Variants in IL22RA1 observed in about 807,000 individuals in gnomAD.
IL22RA1 encodes the protein interleukin 22 receptor subunit alpha 1, also known as interleukin-22 receptor subunit alpha-1.
A neutral mutation model predicts 32.8 loss-of-function variants in IL22RA1; 25 were observed. That is an observed-to-expected ratio of 0.76 (90% confidence interval 0.55 to 1.06). IL22RA1 has a LOEUF of 1.06. IL22RA1 is among the 50% of genes least tolerant of loss of function. The pLI, the probability that IL22RA1 is intolerant of heterozygous loss-of-function variation, is 0.00. For synonymous variants in IL22RA1, 305 were observed against 305.0 expected, an observed-to-expected ratio of 1.00 and a Z score of 0.00; for missense variants, 709 against 727.4, an observed-to-expected ratio of 0.97 and a Z score of 0.29.
chr1:24,132,739 G>A (rs1250407300), intron 4 of IL22RA1, among the ~76,000 whole-genome samples: 1 of 151,864 alleles, frequency 6.6e-6, no homozygotes, highest in African/African-American at 2.4e-5. Context: ...GGTGGCTCAT[G>A]CCTGTCAACC....
At chr1:24,131,485 T>C (rs570626678) in intron 4 of IL22RA1, among the ~76,000 whole-genome samples, 2 of 152,286 alleles carry the variant, frequency 1.3e-5, no homozygotes, top group African/African-American at 4.8e-5. Flanking sequence ...ATCGATAAAG[T>C]AGACTTCAAT....
In IL22RA1 at chr1:24,141,807, C is replaced by T. The variant is rs16829213; in HGVS notation, c.43+1233G>A. ...TGTTGTGTGGAGCCTGGCAGCCTGG[C>T]GGATTTATAAAAGGCAACTTGTTTT... is the stretch of plus-strand genomic sequence containing the variant. On this transcript the variant is annotated intron_variant, in intron 1 of 6. Transcript: ENST00000270800. 2.3e-3 allele frequency among the ~76,000 whole-genome samples: 347 copies of T among 152,162 alleles called. 1 individual carries two copies. Among genetic ancestry groups the T allele is most frequent in the African/African-American group, 7.8e-3 (323 of 41,510 alleles).
At position 24,123,389 on chromosome 1, in the gene IL22RA1, G is replaced by A. The variant is rs373496630; in HGVS notation, c.705C>T (p.Phe235=). Residue 235 remains phenylalanine (F), a synonymous_variant, in exon 6 of 7, where the codon TTC becomes TTT. Transcript: ENST00000270800. ...RTWTYSFSGA[F]LFSMGFLVAV... ...CGACGAGGAAGCCCATGGAGAACAG[G>A]AAGGCTCCGGAGAAGGAGTAGGTCC... The A allele has an allele frequency of 5.0e-5, 80 of 1,613,902 alleles. No homozygotes were observed. The highest frequency in any genetic ancestry group is 6.5e-5 in the Non-Finnish European group (77 of 1,179,982).
Position 24,121,177 on chromosome 1 carries a change from G to T in IL22RA1, c.1353C>A (p.Thr451=), listed in dbSNP as rs755408667. 2 of 1,614,102 alleles carry T rather than the reference G, an allele frequency of 1.2e-6. No individual in the cohort carries two copies. Residue 451 remains threonine (T), a synonymous_variant, in exon 7 of 7, where the codon ACC becomes ACA. Transcript: ENST00000270800. The stretch of plus-strand genomic sequence containing the variant: ...CTTGGGATTCCTCCATAGCCAAGGA[G>T]GTCACCTCCTGCAGAGAAAGGCCAC... ...MLGGLSLQEV[T]SLAMEESQEA... is the part of the protein sequence containing the mutation.
At position 24,136,355 on chromosome 1, in the gene IL22RA1, G is replaced by A. The variant is rs1180500051; in HGVS notation, c.355+776C>T. On this transcript the variant is annotated intron_variant, in intron 3 of 6. Transcript: ENST00000270800. ...TTCTAGAGCTCACATTTTAGAGGGG[G>A]AGGCAGATGATAACATGTGTGAGCA... 2.6e-5 allele frequency among the ~76,000 whole-genome samples: 4 copies of A among 152,216 alleles called. No individual in the cohort carries two copies. In the East Asian group the frequency reaches 7.7e-4, roughly 29 times the overall value.
intron 3 of IL22RA1, chr1:24,135,068 G>C (rs1644233203): frequency 6.6e-6 from 1 of 152,358 alleles, no homozygotes; most frequent in African/African-American, 2.4e-5. Flanking sequence ...ATCTGAGTCA[G>C]AACAATGTTT....
intron 1 of IL22RA1, among the ~76,000 whole-genome samples, chr1:24,142,708 G>A (rs1644290333): frequency 6.6e-6 from 1 of 152,218 alleles, no homozygotes; most frequent in Non-Finnish European, 1.5e-5. Flanking sequence ...CCGTTTGAGG[G>A]ACCGAAGGAT....
intron 4 of IL22RA1, 66 bp from the exon 5 acceptor site, chr1:24,128,345 A>T: frequency 6.3e-7 from 1 of 1,597,374 alleles, no homozygotes; most frequent in East Asian, 2.3e-5. Flanking sequence ...AGCCCAAGGA[A>T]GCTTGCTCGC....
At chr1:24,130,482 AT>A (rs1644196853) in intron 4 of IL22RA1, among the ~76,000 whole-genome samples, 1 of 152,184 alleles carries the variant, frequency 6.6e-6, no homozygotes, top group Non-Finnish European at 1.5e-5. Context: ...AAGAAGAGAG[AT>A]TTCAGAGTTT....
chr1:24,138,647 G>A lies in IL22RA1; in HGVS notation c.111C>T (p.Asn37=), dbSNP rs137882654. The A allele has an allele frequency of 3.7e-5, 59 of 1,614,058 alleles. No homozygotes were observed. Among genetic ancestry groups the A allele is most frequent in the Non-Finnish European group, 4.7e-5 (56 of 1,180,028 alleles). The stretch of plus-strand genomic sequence containing the variant: ...CCGGCCCGCTGTCCCACGTCAGGAT[G>A]TTTTCAAAGTTGCTGGACTGGAATT... ...HVKFQSSNFE[N]ILTWDSGPEG... is the part of the protein sequence containing the mutation. The change falls in exon 2 of 7, where the codon AAC becomes AAT. Residue 37 remains asparagine (N), a synonymous_variant. Transcript: ENST00000270800.
chr1:24,137,969 C>G (rs1644254148), intron 2 of IL22RA1, among the ~76,000 whole-genome samples: 1 of 152,018 alleles, frequency 6.6e-6, no homozygotes, highest in Non-Finnish European at 1.5e-5. Flanking sequence ...TGATGTGGGC[C>G]CTGTTATCCC....
rs1439829481 is a variant in IL22RA1, at chr1:24,138,648, T to C, written c.110A>G (p.Asn37Ser). The C allele has an allele frequency of 3.7e-6, 6 of 1,614,106 alleles. No homozygotes were observed. Among genetic ancestry groups the C allele is most frequent in the Admixed American group, 1.7e-5 (1 of 60,022 alleles). The change falls in exon 2 of 7, where the codon AAC becomes AGC. Residue 37 changes from asparagine (N) to serine (S), a missense_variant. Asn to Ser is a conservative substitution (Grantham distance 46). Transcript: ENST00000270800. ...HVKFQSSNFE[N>S]ILTWDSGPEG... is the part of the protein sequence containing the mutation. The stretch of plus-strand genomic sequence containing the variant: ...CGGCCCGCTGTCCCACGTCAGGATG[T>C]TTTCAAAGTTGCTGGACTGGAATTT...
At chr1:24,132,583 C>T (rs569452725) in intron 4 of IL22RA1, among the ~76,000 whole-genome samples, 15 of 152,026 alleles carry the variant, frequency 9.9e-5, no homozygotes, top group African/African-American at 2.4e-4. Context: ...CCGCCCGCCT[C>T]GGCCTCCCAA....
intron 4 of IL22RA1, among the ~76,000 whole-genome samples, 193 bp from the exon 5 acceptor site, chr1:24,128,472 T>A (rs780524878): frequency 2.0e-5 from 3 of 152,006 alleles, no homozygotes; most frequent in Non-Finnish European, 4.4e-5. Flanking sequence ...GCCTTTCACT[T>A]GCAATAGTGT....
chr1:24,134,966 G>T, intron 3 of IL22RA1: 1 of 301,412 alleles, frequency 3.3e-6, no homozygotes, highest in Non-Finnish European at 4.9e-6. Context: ...CAAAAATCTT[G>T]CATCCAACTT....
chr1:24,132,616 G>A (rs1220562607), intron 4 of IL22RA1, among the ~76,000 whole-genome samples: 1 of 151,980 alleles, frequency 6.6e-6, no homozygotes, highest in Non-Finnish European at 1.5e-5. Context: ...ACAGGCGTGA[G>A]CCACCGTGCC....
chr1:24,129,986 G>A (rs1333079302), intron 4 of IL22RA1, among the ~76,000 whole-genome samples: 2 of 152,128 alleles, frequency 1.3e-5, no homozygotes, highest in African/African-American at 4.8e-5. Context: ...TGACTTGCCA[G>A]CCTGATATCT....
chr1:24,126,225 G>GC (rs1644160754), intron 5 of IL22RA1, among the ~76,000 whole-genome samples: 2 of 152,226 alleles, frequency 1.3e-5, no homozygotes, highest in Admixed American at 1.3e-4. Flanking sequence ...AGCAGCCTTT[G>GC]CCCCAGGAAG....
intron 4 of IL22RA1, among the ~76,000 whole-genome samples, chr1:24,133,643 T>A (rs961580303): frequency 7.2e-5 from 11 of 152,184 alleles, no homozygotes; most frequent in African/African-American, 2.7e-4. Flanking sequence ...CAGTAGAAAT[T>A]GATTCTAGCA....
Sources: gnomAD v4.1 joint callset for allele counts (sites outside exome capture counted in the v4.1 genomes callset) on GRCh38, gnomAD v4.1.1 for gene constraint, MANE v1.5 for transcripts, NCBI Gene and HGNC (gene_info 2026-07-23, HGNC 2026-07-21) for gene names.